Variants in XKR4 observed in about 807,000 individuals in gnomAD.
XKR4 encodes XK-related protein 4.
XKR4 carries 12 observed loss-of-function variants against 53.9 expected under a neutral mutation model. The ratio of observed to expected loss-of-function variants is 0.22; its 90% CI spans 0.14 to 0.36. The LOEUF (loss-of-function observed/expected upper bound fraction) is 0.36. Ranked by LOEUF, XKR4 falls within the 10% of genes least tolerant of loss-of-function variation. XKR4 has a pLI of 1.00. For missense variants in XKR4, 799 were observed against 859.5 expected, an observed-to-expected ratio of 0.93 and a Z score of 0.88; for synonymous variants, 354 against 362.4, an observed-to-expected ratio of 0.98 and a Z score of 0.26.
chr8:55,242,384 G>A (rs925964188), intron 1 of XKR4, among the ~76,000 whole-genome samples: 8 of 152,090 alleles, frequency 5.3e-5, no homozygotes, highest in African/African-American at 1.7e-4. Flanking sequence ...CCACATCAGC[G>A]TTTATCATCT....
rs1233410216 is a variant in XKR4, at chr8:55,523,671, T to C, written c.1397T>C (p.Leu466Ser). ...RLFIYYFVILLENTALSALWY... is the reference protein window; with the variant it reads ...RLFIYYFVILSENTALSALWY... ...TTCATTTACTATTTTGTGATCCTTT[T>C]GGAAAATACAGCCTTGAGTGCCCTC... The change falls in exon 3 of 3, where the codon TTG becomes TCG. Residue 466 changes from leucine (L) to serine (S), a missense_variant. Transcript: ENST00000327381. 1 of 1,614,074 alleles carries C rather than the reference T, an allele frequency of 6.2e-7. No individual in the cohort carries two copies. The highest frequency in any genetic ancestry group is 2.2e-5 in the East Asian group (1 of 44,900).
intron 1 of XKR4, among the ~76,000 whole-genome samples, chr8:55,336,640 G>A (rs545421481): frequency 5.9e-5 from 9 of 152,028 alleles, no homozygotes; most frequent in Non-Finnish European, 1.0e-4. Flanking sequence ...TAAATGAAAC[G>A]ATTTTTTAAA....
chr8:55,311,845 A>G (rs1408457839), intron 1 of XKR4, among the ~76,000 whole-genome samples: 2 of 149,984 alleles, frequency 1.3e-5, no homozygotes, highest in Admixed American at 6.6e-5. Context: ...AAAAAAAAAA[A>G]AAAAAAGAAA....
At chr8:55,393,215 A>C (rs1034907246) in intron 2 of XKR4, among the ~76,000 whole-genome samples, 3 of 152,106 alleles carry the variant, frequency 2.0e-5, no homozygotes, top group African/African-American at 7.2e-5. Flanking sequence ...CTCCTAAAAT[A>C]ATGCACTATG....
Position 55,346,685 on chromosome 8 carries a change from ATGTGTGTGTGTGTG to A in XKR4, c.807-10965_807-10952del, listed in dbSNP as rs10685965. Among the ~76,000 whole-genome samples, 964 of 138,472 alleles carry A rather than the reference ATGTGTGTGTGTGTG, an allele frequency of 7.0e-3. 12 individuals carry two copies. Among genetic ancestry groups the A allele is most frequent in the African/African-American group, 0.025 (913 of 36,540 alleles). The allele number at this position is 138,472 out of a possible 152,430, so 90.8% of individuals were successfully genotyped here. On this transcript the variant is annotated intron_variant, in intron 1 of 2. Transcript: ENST00000327381. ...ACAAAAACAGAAACCTGTTGAGGTT[ATGTGTGTGTGTGTG>A]TGTGTGTGTGTGTGTGTGTGTGTGT...
At chr8:55,355,743 G>T (rs147656541) in intron 1 of XKR4, among the ~76,000 whole-genome samples, 1 of 152,190 alleles carries the variant, frequency 6.6e-6, no homozygotes, top group Admixed American at 6.5e-5. Context: ...ATAAATGGCA[G>T]ATCTTGGGCC....
intron 1 of XKR4, among the ~76,000 whole-genome samples, chr8:55,353,297 TC>T (rs1263541599): frequency 6.6e-6 from 1 of 152,174 alleles, no homozygotes; most frequent in Non-Finnish European, 1.5e-5. Flanking sequence ...TTGGGGTGAC[TC>T]CTAATCAGTA....
At chr8:55,335,999 T>A (rs1223450489) in intron 1 of XKR4, among the ~76,000 whole-genome samples, 2 of 139,312 alleles carry the variant, frequency 1.4e-5, no homozygotes, top group African/African-American at 5.4e-5. Context: ...GTTAGTTACA[T>A]GAATCCACAT....
chr8:55,330,577 G>T (rs1187182272), intron 1 of XKR4, among the ~76,000 whole-genome samples: 2 of 152,068 alleles, frequency 1.3e-5, no homozygotes, highest in African/African-American at 2.4e-5. Flanking sequence ...TGGATTTGAA[G>T]GGTTGCTTCT....
chr8:55,510,594 G>A (rs1806611528), intron 2 of XKR4, among the ~76,000 whole-genome samples: 1 of 151,964 alleles, frequency 6.6e-6, no homozygotes, highest in African/African-American at 2.4e-5. Context: ...AGCCCTGCAG[G>A]GCCCCAGTGT....
At chr8:55,458,132 C>CA (rs895702784) in intron 2 of XKR4, among the ~76,000 whole-genome samples, 18 of 151,440 alleles carry the variant, frequency 1.2e-4, no homozygotes, top group South Asian at 2.1e-4. Flanking sequence ...CAAGCCAATC[C>CA]AAAAAAAAAT....
At chr8:55,269,388 A>G (rs978490317) in intron 1 of XKR4, among the ~76,000 whole-genome samples, 2 of 152,140 alleles carry the variant, frequency 1.3e-5, no homozygotes, top group African/African-American at 4.8e-5. Flanking sequence ...TAATTGGTGT[A>G]GGATCACTAA....
At chr8:55,438,431 A>T (rs913890183) in intron 2 of XKR4, among the ~76,000 whole-genome samples, 6 of 151,860 alleles carry the variant, frequency 4.0e-5, no homozygotes, top group Non-Finnish European at 8.8e-5. Flanking sequence ...ATTAAAAAAA[A>T]ATACAAAAAT....
At chr8:55,438,242 C>T (rs1805206704) in intron 2 of XKR4, among the ~76,000 whole-genome samples, 1 of 152,032 alleles carries the variant, frequency 6.6e-6, no homozygotes, top group African/African-American at 2.4e-5. Flanking sequence ...GATAATGACT[C>T]ATAATAGGCT....
At chr8:55,151,307 T>C (rs1376298221) in intron 1 of XKR4, among the ~76,000 whole-genome samples, 1 of 152,174 alleles carries the variant, frequency 6.6e-6, no homozygotes, top group Non-Finnish European at 1.5e-5. Context: ...GATCTAACAC[T>C]GACAGTAAAA....
intron 2 of XKR4, among the ~76,000 whole-genome samples, chr8:55,518,906 G>A (rs1362023792): frequency 2.6e-5 from 4 of 152,122 alleles, no homozygotes; most frequent in Non-Finnish European, 5.9e-5. Context: ...AGAGGAGAGA[G>A]AAAAAAATCA....
intron 1 of XKR4, among the ~76,000 whole-genome samples, chr8:55,331,914 G>A (rs192427190): frequency 1.3e-4 from 20 of 152,052 alleles, no homozygotes; most frequent in Middle Eastern, 6.8e-3. Flanking sequence ...TCTTTTGATT[G>A]GGAGAGTTTA....
In XKR4 at chr8:55,357,729, T is replaced by C; in HGVS notation, c.858T>C (p.Asn286=). Residue 286 remains asparagine (N), a synonymous_variant, in exon 2 of 3, where the codon AAT becomes AAC. Transcript: ENST00000327381. ...TTCGAAGCCGACAGAGTGGGGAGAATGACAGATGGAGGTTTTACTGGAAAA... is the reference window on the plus strand; with the variant it reads ...TTCGAAGCCGACAGAGTGGGGAGAACGACAGATGGAGGTTTTACTGGAAAA... ...LGIRSRQSGE[N]DRWRFYWKMV... 4 of 1,614,190 alleles carry C rather than the reference T, an allele frequency of 2.5e-6. No individual in the cohort carries two copies. The highest frequency in any genetic ancestry group is 1.3e-5 in the African/African-American group (1 of 75,046).
rs576605952 is a variant in XKR4 at position 55,301,937 on chromosome 8, T to C, written c.807-55741T>C. On this transcript the variant is annotated intron_variant, in intron 1 of 2. Coordinates refer to ENST00000327381, the MANE Select transcript of XKR4 (RefSeq NM_052898.2). The stretch of plus-strand genomic sequence containing the variant: ...CAGTTTGCAAAAATTTTCTCCCATT[T>C]TGTAGGTTGCCTGTTCACTCTGATG... Among the ~76,000 whole-genome samples the C allele has an allele frequency of 2.3e-4, 35 of 152,294 alleles. No homozygotes were observed. In the South Asian group the frequency reaches 6.8e-3, roughly 30 times the overall value.
Sources: gnomAD v4.1 joint callset for allele counts (sites outside exome capture counted in the v4.1 genomes callset) on GRCh38, gnomAD v4.1.1 for gene constraint, MANE v1.5 for transcripts, NCBI Gene and HGNC (gene_info 2026-07-23, HGNC 2026-07-21) for gene names.